The following MAP2 variants were observed in gnomAD, a reference collection of about 807,000 sequenced individuals.
MAP2 encodes microtubule associated protein 2.
Under a neutral mutation model 137.6 loss-of-function variants are expected in MAP2, and 14 were observed. That is an observed-to-expected ratio of 0.10 (90% CI 0.07 to 0.16). MAP2 has a LOEUF of 0.16. MAP2 is among the 10% of genes least tolerant of loss of function. MAP2 has a pLI of 1.00. For synonymous variants in MAP2, 786 were observed against 782.3 expected, an observed-to-expected ratio of 1.00 and a Z score of -0.08; for missense variants, 2,088 against 2,191.5, an observed-to-expected ratio of 0.95 and a Z score of 0.94.
intron 5 of MAP2, among the ~76,000 whole-genome samples, chr2:209,660,062 G>T (rs1018128012): frequency 7.9e-5 from 12 of 151,980 alleles, no homozygotes; most frequent in Admixed American, 5.9e-4. Flanking sequence ...GGTCACAGTA[G>T]AAAGTGCCTA....
chr2:209,479,504 G>A (rs1340941027), intron 1 of MAP2, among the ~76,000 whole-genome samples: 1 of 152,090 alleles, frequency 6.6e-6, no homozygotes, highest in Non-Finnish European at 1.5e-5. Flanking sequence ...TAAAGAATGA[G>A]CTGGAAATCG....
At chr2:209,550,055 T>G (rs1577929551) in intron 2 of MAP2, among the ~76,000 whole-genome samples, 1 of 152,244 alleles carries the variant, frequency 6.6e-6, no homozygotes, top group East Asian at 1.9e-4. Context: ...TTTAATAGTT[T>G]AGAGAAAGGA....
intron 2 of MAP2, among the ~76,000 whole-genome samples, chr2:209,535,060 C>T (rs1264855421): frequency 1.3e-5 from 2 of 152,012 alleles, no homozygotes; most frequent in African/African-American, 4.8e-5. Context: ...TGGCTACTAC[C>T]TCCCCACCCT....
intron 5 of MAP2, among the ~76,000 whole-genome samples, chr2:209,676,706 G>A (rs1336475788): frequency 8.4e-6 from 1 of 119,266 alleles, no homozygotes; most frequent in African/African-American, 3.3e-5. Flanking sequence ...GAATGATCCA[G>A]AAGACACAAA....
intron 2 of MAP2, among the ~76,000 whole-genome samples, chr2:209,570,606 C>A (rs576995924): frequency 6.6e-6 from 1 of 151,930 alleles, no homozygotes; most frequent in East Asian, 1.9e-4. Context: ...AAGCCCGTAT[C>A]TAATAACAGG....
intron 13 of MAP2, among the ~76,000 whole-genome samples, chr2:209,712,681 G>A (rs1331996538): frequency 6.6e-6 from 1 of 152,062 alleles, no homozygotes; most frequent in African/African-American, 2.4e-5. Context: ...CAACACTTCA[G>A]CACTCTCCCC....
Position 209,731,250 on chromosome 2 carries a change from A to G in MAP2, c.*853A>G, listed in dbSNP as rs1173329034. The G allele has an allele frequency of 6.6e-6, 1 of 152,382 alleles. No homozygotes were observed. Among genetic ancestry groups the G allele is most frequent in the Non-Finnish European group, 1.5e-5 (1 of 68,034 alleles). 9.4% of individuals were successfully genotyped at this position (152,382 alleles called of 1,614,324 possible). On this transcript the variant is annotated 3_prime_UTR_variant, in exon 16 of 16. Transcript: ENST00000682079. ...AATATTATACTTCTTTATTCACAGT[A>G]TCTGTGTCTCCTGCACCCTTTGGTG...
At chr2:209,656,488 T>C (rs1274954475) in intron 5 of MAP2, among the ~76,000 whole-genome samples, 1 of 152,036 alleles carries the variant, frequency 6.6e-6, no homozygotes, top group Non-Finnish European at 1.5e-5. Context: ...TCTGCCTAGA[T>C]GACAGAGCAA....
rs1697335566 is a variant in MAP2 at position 209,439,908 on chromosome 2, CTATT to C, written c.-222+15638_-222+15641del. Among the ~76,000 whole-genome samples the C allele has an allele frequency of 3.3e-5, 5 of 151,538 alleles. No homozygotes were observed. The South Asian group carries it at 1.0e-3, about 31-fold the overall frequency. On this transcript the variant is annotated intron_variant, in intron 1 of 15. Coordinates refer to ENST00000682079, the MANE Select transcript of MAP2 (RefSeq NM_001375505.1). ...AAATAAAATAACATCTTACTGACCCCTATTTATTTTATGGTTTTATTGTCCACAC... is the reference window on the plus strand; with the variant it reads ...AAATAAAATAACATCTTACTGACCCCTATTTTATGGTTTTATTGTCCACAC...
chr2:209,601,838 A>C (rs1387790931), intron 3 of MAP2, among the ~76,000 whole-genome samples: 1 of 152,132 alleles, frequency 6.6e-6, no homozygotes, highest in Admixed American at 6.5e-5. Context: ...ATATTTTTTT[A>C]AATTAATCTT....
chr2:209,540,487 C>T (rs929208276), intron 2 of MAP2, among the ~76,000 whole-genome samples: 6 of 150,282 alleles, frequency 4.0e-5, no homozygotes, highest in Admixed American at 3.3e-4. Flanking sequence ...CGAAAATTGC[C>T]GAGCGTGGTG....
Position 209,680,803 on chromosome 2 carries a change from G to C in MAP2, c.430G>C (p.Glu144Gln). The change falls in exon 7 of 16, where the codon GAA becomes CAA. Residue 144 changes from glutamate (E) to glutamine (Q), a missense_variant. Physicochemically the swap from Glu to Gln is conservative, Grantham distance 29 (BLOSUM62 2). This residue lies in a region of MAP2 where 859 missense variants were observed against 794.5 expected (regional missense o/e 1.08). Coordinates refer to ENST00000682079, the MANE Select transcript of MAP2 (RefSeq NM_001375505.1). ...TTCTCCACCCCCATCACCTGCCTCA[G>C]AACAGACTGTCACAGTGGAGGAAGG... ...PPSPPPSPAS[E>Q]QTVTVEEDLL... The C allele has an allele frequency of 6.2e-7, 1 of 1,613,542 alleles. No homozygotes were observed. Among genetic ancestry groups the C allele is most frequent in the Non-Finnish European group, 8.5e-7 (1 of 1,179,654 alleles).
At chr2:209,532,321 G>A (rs550116912) in intron 2 of MAP2, among the ~76,000 whole-genome samples, 89 of 151,696 alleles carry the variant, frequency 5.9e-4, no homozygotes, top group Non-Finnish European at 1.2e-3. Context: ...TATGTTCTAG[G>A]ATCTATTTAT....
chr2:209,497,998 C>T (rs934580736), intron 1 of MAP2, among the ~76,000 whole-genome samples: 1 of 152,212 alleles, frequency 6.6e-6, no homozygotes, highest in African/African-American at 2.4e-5. Flanking sequence ...TCCCCAATGT[C>T]TTAACTCATT....
At chr2:209,496,055 A>G (rs1432733137) in intron 1 of MAP2, among the ~76,000 whole-genome samples, 1 of 152,216 alleles carries the variant, frequency 6.6e-6, no homozygotes, top group Non-Finnish European at 1.5e-5. Flanking sequence ...GTCAGAGTAC[A>G]GAACATTCCA....
At position 209,693,767 on chromosome 2, in the gene MAP2, A is replaced by G. The variant is rs769968794; in HGVS notation, c.1597A>G (p.Ile533Val). 9 of 1,613,832 alleles carry G rather than the reference A, an allele frequency of 5.6e-6. No individual in the cohort carries two copies. The highest frequency in any genetic ancestry group is 1.6e-4 in the Middle Eastern group (1 of 6,082). The change falls in exon 8 of 16, where the codon ATT (isoleucine) becomes GTT (valine). Residue 533 changes from isoleucine (I) to valine (V), a missense_variant. Ile to Val is a conservative substitution (Grantham distance 29). Coordinates refer to ENST00000682079, the MANE Select transcript of MAP2 (RefSeq NM_001375505.1). ...ATCTGCATTAATTGAAAAGAGCTCA[A>G]TTCAGGAACTTTTTGAAATGAGAGT... ...EPSALIEKSS[I>V]QELFEMRVDD... is the part of the protein sequence containing the mutation.
At chr2:209,662,102 C>T (rs1233625841) in intron 5 of MAP2, among the ~76,000 whole-genome samples, 1 of 152,178 alleles carries the variant, frequency 6.6e-6, no homozygotes, top group African/African-American at 2.4e-5. Context: ...CCATTAAACC[C>T]TATGACTCAA....
At chr2:209,618,765 G>A (rs2090293932) in intron 3 of MAP2, among the ~76,000 whole-genome samples, 1 of 152,136 alleles carries the variant, frequency 6.6e-6, no homozygotes. Flanking sequence ...ATATGATCCA[G>A]CAATCCCACT....
intron 3 of MAP2, among the ~76,000 whole-genome samples, chr2:209,596,717 T>C (rs557515179): frequency 6.6e-6 from 1 of 152,330 alleles, no homozygotes; most frequent in East Asian, 1.9e-4. Flanking sequence ...TGGATGGTAA[T>C]TGAAATTTTA....
Sources: gnomAD v4.1 joint callset for allele counts (sites outside exome capture counted in the v4.1 genomes callset) on GRCh38, gnomAD v4.1.1 for gene constraint, gnomAD v4.1.1 regional missense constraint, MANE v1.5 for transcripts, NCBI Gene and HGNC (gene_info 2026-07-23, HGNC 2026-07-21) for gene names.